The following DENND3 variants were observed in gnomAD, a reference collection of about 807,000 sequenced individuals.
The protein encoded by DENND3 is DENN domain-containing protein 3.
Under a neutral mutation model 135.1 loss-of-function variants are expected in DENND3, and 88 were observed. The observed-to-expected ratio is 0.65, with a 90% CI of 0.55 to 0.78. The LOEUF (loss-of-function observed/expected upper bound fraction) is 0.78. Among genes scored for constraint, DENND3 ranks in the 30% least tolerant of loss-of-function variants. DENND3 has a pLI of 0.00. For missense variants in DENND3, 1,392 were observed against 1,688.4 expected (o/e 0.82, Z 3.08); for synonymous variants, 693 against 712.3 (o/e 0.97, Z 0.43).
chr8:141,177,771 C>A (rs1822581323), intron 15 of DENND3: 1 of 298,014 alleles, frequency 3.4e-6, no homozygotes, highest in South Asian at 7.3e-5. Flanking sequence ...TGCTCCCATG[C>A]CGCAGTGGCA....
chr8:141,145,830 TATATATATATATATATATATGTA>T lies in DENND3; in HGVS notation c.735+1572_735+1594del, dbSNP rs1381285136. Among the ~76,000 whole-genome samples the T allele has an allele frequency of 8.6e-3, 743 of 86,862 alleles. 34 individuals carry two copies. Among genetic ancestry groups the T allele is most frequent in the African/African-American group, 0.044 (604 of 13,828 alleles). 57.0% of individuals were successfully genotyped at this position (86,862 alleles called of 152,430 possible). On this transcript the variant is annotated intron_variant, in intron 5 of 22. Coordinates refer to ENST00000519811, the MANE Select transcript of DENND3 (RefSeq NM_001352890.3). ...ATATATATATATATATATATATATATATATATATATATATATATATGTATTTTTTTTTTTTTGAGGCGGAGTCT... is the reference window on the plus strand; with the variant it reads ...ATATATATATATATATATATATATATTTTTTTTTTTTTTGAGGCGGAGTCT...
chr8:141,145,192 A>G (rs1817895440), intron 5 of DENND3, among the ~76,000 whole-genome samples: 1 of 152,198 alleles, frequency 6.6e-6, no homozygotes, highest in Non-Finnish European at 1.5e-5. Context: ...CCTCAGCCGC[A>G]CACCCCCTTA....
At chr8:141,149,020 CCTG>C (rs1350899377) in intron 5 of DENND3, among the ~76,000 whole-genome samples, 1 of 151,666 alleles carries the variant, frequency 6.6e-6, no homozygotes, top group East Asian at 1.9e-4. Flanking sequence ...AGGCGATTTT[CCTG>C]CCTCAACCTC....
chr8:141,142,210 G>T, intron 4 of DENND3: 1 of 358,494 alleles, frequency 2.8e-6, no homozygotes, highest in Non-Finnish European at 5.5e-6. Context: ...GTTCAGACAT[G>T]GTCAGTCCCA....
intron 4 of DENND3, among the ~76,000 whole-genome samples, chr8:141,143,519 C>T (rs769298849): frequency 3.3e-5 from 5 of 152,198 alleles, no homozygotes; most frequent in African/African-American, 4.8e-5. Context: ...ATCCTCCCAG[C>T]TCTGTCTCCC....
Position 141,144,152 on chromosome 8 carries a change from T to C in DENND3, c.628T>C (p.Leu210=). The C allele has an allele frequency of 1.2e-6, 2 of 1,605,378 alleles. No homozygotes were observed. Among genetic ancestry groups the C allele is most frequent in the South Asian group, 1.1e-5 (1 of 88,794 alleles). The change falls in exon 5 of 23, where the codon TTG becomes CTG. Residue 210 remains leucine, a synonymous_variant. Coordinates refer to ENST00000519811, the MANE Select transcript of DENND3 (RefSeq NM_001352890.3). The surrounding 1 kb of genome is among the most constrained non-coding windows in gnomAD (Gnocchi z 4.4). Reference sequence around the variant, plus strand: ...GTTTTGTGTTTCGAATTTCAGTTTATTGGCTCTTCTGAAGCCCTGTAAAGA... The same window carrying C: ...GTTTTGTGTTTCGAATTTCAGTTTACTGGCTCTTCTGAAGCCCTGTAAAGA... ...NSLKDCLSCL[L]ALLKPCKDFE...
rs755179719 is a variant in DENND3 at position 141,139,516 on chromosome 8, C to T, written c.501+1379C>T. On this transcript the variant is annotated intron_variant, in intron 3 of 22. Transcript: ENST00000519811. The surrounding 1 kb of genome is among the most constrained non-coding windows in gnomAD (Gnocchi z 4.2). ...CTCTGTGACCTGGCTGCCAGCAGCCCCAGGCCTTTCTTCCAGGGTTATGTT... is the reference window on the plus strand; with the variant it reads ...CTCTGTGACCTGGCTGCCAGCAGCCTCAGGCCTTTCTTCCAGGGTTATGTT... Among the ~76,000 whole-genome samples the T allele has an allele frequency of 6.6e-5, 10 of 152,064 alleles. No homozygotes were observed. Among genetic ancestry groups the T allele is most frequent in the Non-Finnish European group, 1.2e-4 (8 of 68,006 alleles).
intron 8 of DENND3, chr8:141,157,991 C>T: frequency 9.0e-7 from 1 of 1,110,436 alleles, no homozygotes; most frequent in African/African-American, 1.7e-5. Flanking sequence ...AACTCCTGAC[C>T]TCAGGTGATC....
chr8:141,184,656 C>T (rs374064826), intron 17 of DENND3: 109 of 155,714 alleles, frequency 7.0e-4, no homozygotes, highest in African/African-American at 2.4e-3. Context: ...TTAGAATGGC[C>T]GAAATTAAAA....
At chr8:141,142,297 A>G (rs1306945433) in intron 4 of DENND3, 1 of 443,074 alleles carries the variant, frequency 2.3e-6, no homozygotes, top group African/African-American at 2.0e-5. Context: ...TGTTTGATTA[A>G]AGGCCGAGGA....
intron 10 of DENND3, 33 bp from the exon 11 acceptor site, chr8:141,165,153 C>G (rs749904727): frequency 1.9e-6 from 3 of 1,577,968 alleles, no homozygotes; most frequent in Non-Finnish European, 2.6e-6. Flanking sequence ...GGAGTCGGCA[C>G]AGCCCAGTGA....
At chr8:141,176,474 A>G (rs307732) in intron 14 of DENND3, 117 bp from the exon 15 acceptor site, 478,922 of 1,243,922 alleles carry the variant, frequency 0.39, 97,814 homozygotes, top group African/African-American at 0.73. Context: ...TGCCAGCAGG[A>G]TGCGTGCCTG....
At chr8:141,162,098 C>T (rs1408086760) in intron 9 of DENND3, among the ~76,000 whole-genome samples, 1 of 152,156 alleles carries the variant, frequency 6.6e-6, no homozygotes, top group Admixed American at 6.5e-5. Context: ...AGCCATAGCG[C>T]CCAGCCTGAA....
At chr8:141,156,023 G>A (rs1256381132) in intron 8 of DENND3, 53 bp downstream of exon 8, 15 of 1,525,352 alleles carry the variant, frequency 9.8e-6, no homozygotes, top group Non-Finnish European at 2.6e-6. Context: ...TTCAGATTCT[G>A]TATTTGCCAC....
intron 6 of DENND3, 124 bp downstream of exon 6, chr8:141,151,077 T>G: frequency 7.6e-7 from 1 of 1,318,124 alleles, no homozygotes; most frequent in South Asian, 2.0e-5. Flanking sequence ...ATACTCGAAA[T>G]GTTTATTATT....
chr8:141,163,780 C>T (rs894205654), intron 10 of DENND3, among the ~76,000 whole-genome samples: 8 of 151,748 alleles, frequency 5.3e-5, no homozygotes, highest in South Asian at 4.2e-4. Context: ...TGGTAGTGCA[C>T]GCCTGTAATC....
Position 141,139,939 on chromosome 8 carries a change from G to T in DENND3, c.502-1264G>T, listed in dbSNP as rs112720579. Among the ~76,000 whole-genome samples the T allele has an allele frequency of 3.3e-5, 5 of 149,880 alleles. No individual in the cohort carries two copies. Among genetic ancestry groups the T allele is most frequent in the African/African-American group, 9.9e-5 (4 of 40,410 alleles). On this transcript the variant is annotated intron_variant, in intron 3 of 22. Transcript: ENST00000519811. This position sits in a 1 kb window ranked among gnomAD's most constrained non-coding sequence, Gnocchi z 4.2. The stretch of plus-strand genomic sequence containing the variant: ...TCTTTTTTTTTTTTGAGACAGTCTC[G>T]CTGTGTCACCCAGGCTTTAGTGCAG...
Position 141,168,244 on chromosome 8 carries a change from A to G in DENND3, c.1994A>G (p.Lys665Arg). 6.2e-7 allele frequency: 1 copy of G among 1,614,142 alleles called. No homozygotes were observed. Among genetic ancestry groups the G allele is most frequent in the Non-Finnish European group, 8.5e-7 (1 of 1,180,020 alleles). The change falls in exon 13 of 23, where the codon AAA becomes AGA. Residue 665 changes from lysine to arginine, a missense_variant. Physicochemically the swap from Lys to Arg is conservative, Grantham distance 26 (BLOSUM62 2). Transcript: ENST00000519811. The surrounding 1 kb of genome is among the most constrained non-coding windows in gnomAD (Gnocchi z 6.2). ...NALLDFQNLYKTDIRIFPTDL... is the reference protein window; with the variant it reads ...NALLDFQNLYRTDIRIFPTDL... ...CTCTTGGACTTCCAGAATCTGTATA[A>G]AACAGACATACGGATCTTTCCCACT...
intron 17 of DENND3, 117 bp downstream of exon 17, chr8:141,180,971 G>A: frequency 1.3e-6 from 1 of 782,408 alleles, no homozygotes; most frequent in East Asian, 2.8e-5. Context: ...GATAAGTGGG[G>A]ACAAGGTGCC....
Sources: allele counts gnomAD v4.1 joint callset (sites outside exome capture counted in the v4.1 genomes callset), GRCh38; gene constraint gnomAD v4.1.1; non-coding constraint Gnocchi (gnomAD v3.1); transcripts MANE v1.5; gene names NCBI Gene and HGNC (gene_info 2026-07-23, HGNC 2026-07-21).